The following ZNF469 variants were observed in gnomAD, a reference collection of about 807,000 sequenced individuals.
ZNF469 encodes the protein zinc finger protein 469.
A neutral mutation model predicts 1.0 loss-of-function variants in ZNF469; 1 was observed. The ratio of observed to expected loss-of-function variants is 1.00; its 90% CI spans 0.35 to 4.73. The LOEUF is 4.73. ZNF469 is among the 30% of genes most tolerant of loss of function. The pLI is 0.16. For missense variants in ZNF469, 6,100 were observed against 5,356.3 expected, an observed-to-expected ratio of 1.14 and a Z score of -4.33; for synonymous variants, 2,703 against 2,363.4, an observed-to-expected ratio of 1.14 and a Z score of -4.17.
chr16:88,193,073 TGGTGG>T, the ZNF469 span, among the ~76,000 whole-genome samples: 2 of 146,828 alleles, frequency 1.4e-5, no homozygotes, highest in African/African-American at 2.6e-5. Flanking sequence ...GTGATGGTGG[TGGTGG>T]TGATGGTGGT....
the ZNF469 span, among the ~76,000 whole-genome samples, chr16:88,176,629 G>GA: frequency 0.014 from 2,096 of 150,374 alleles, 54 homozygotes; most frequent in South Asian, 0.096. Flanking sequence ...TAAGAAATAT[G>GA]AAAAAAAAAA....
At chr16:88,361,239 T>A in the ZNF469 span, among the ~76,000 whole-genome samples, 8 of 152,184 alleles carry the variant, frequency 5.3e-5, no homozygotes, top group Admixed American at 1.3e-4. Context: ...CAGGTGGTAA[T>A]GTGAGCCATG....
the ZNF469 span, among the ~76,000 whole-genome samples, chr16:88,112,046 C>A: frequency 6.6e-6 from 1 of 152,182 alleles, no homozygotes; most frequent in South Asian, 2.1e-4. Flanking sequence ...CTGAATAGTA[C>A]TACGTTGTGT....
chr16:88,285,141 C>A, the ZNF469 span, among the ~76,000 whole-genome samples: 1 of 152,254 alleles, frequency 6.6e-6, no homozygotes, highest in Non-Finnish European at 1.5e-5. Context: ...TGCCCATGAC[C>A]ATCACTGACT....
At chr16:88,242,416 C>T in the ZNF469 span, among the ~76,000 whole-genome samples, 1 of 152,172 alleles carries the variant, frequency 6.6e-6, no homozygotes, top group Non-Finnish European at 1.5e-5. Context: ...TCGAGGCCGC[C>T]TTCTCCTTGT....
chr16:88,246,745 G>GTGAGTGAGTGAA, the ZNF469 span, among the ~76,000 whole-genome samples: 1 of 152,226 alleles, frequency 6.6e-6, no homozygotes, highest in Non-Finnish European at 1.5e-5. Context: ...GTGACTGTGA[G>GTGAGTGAGTGAA]TGAGTGAGTG....
chr16:88,357,350 A>G, the ZNF469 span, among the ~76,000 whole-genome samples: 2 of 152,162 alleles, frequency 1.3e-5, no homozygotes, highest in Non-Finnish European at 2.9e-5. Context: ...GGGTCTAGAC[A>G]CTGCCCCTAG....
chr16:88,180,848 C>T, the ZNF469 span, among the ~76,000 whole-genome samples: 2 of 152,136 alleles, frequency 1.3e-5, no homozygotes, highest in Non-Finnish European at 2.9e-5. Flanking sequence ...ATGCTTGCAC[C>T]TAACAGCGGA....
At chr16:88,325,144 C>T in the ZNF469 span, among the ~76,000 whole-genome samples, 1 of 127,750 alleles carries the variant, frequency 7.8e-6, no homozygotes, top group African/African-American at 2.9e-5. Flanking sequence ...CCAGGTGGTC[C>T]CGACAGCAGC....
chr16:88,229,579 T>TGATGCCATGCGTGTG, the ZNF469 span, among the ~76,000 whole-genome samples: 10 of 59,844 alleles, frequency 1.7e-4, no homozygotes, highest in African/African-American at 3.5e-4. Context: ...GCTTGTGCGC[T>TGATGCCATGCGTGTG]GATGTCACGC....
the ZNF469 span, among the ~76,000 whole-genome samples, chr16:88,376,333 G>A: frequency 1.0e-3 from 153 of 152,390 alleles, no homozygotes; most frequent in Non-Finnish European, 1.9e-3. Context: ...TTCGGACTGC[G>A]GACGTCTGAC....
chr16:88,292,191 G>A, the ZNF469 span, among the ~76,000 whole-genome samples: 1 of 152,202 alleles, frequency 6.6e-6, no homozygotes, highest in African/African-American at 2.4e-5. Flanking sequence ...ACCTGCAGTG[G>A]GTGGGTGCTG....
chr16:88,363,490 G>C, the ZNF469 span, among the ~76,000 whole-genome samples: 1 of 152,188 alleles, frequency 6.6e-6, no homozygotes, highest in African/African-American at 2.4e-5. Flanking sequence ...AGACTGCCTG[G>C]GGTCTACCCC....
the ZNF469 span, among the ~76,000 whole-genome samples, chr16:88,274,684 A>T: frequency 6.6e-5 from 10 of 152,352 alleles, 1 homozygote; most frequent in African/African-American, 2.4e-4. Context: ...TGTTTCTGTT[A>T]TCCTTGGAAG....
the ZNF469 span, chr16:88,178,089 T>G: frequency 6.6e-6 from 1 of 152,244 alleles, no homozygotes; most frequent in African/African-American, 2.4e-5. Context: ...CAGGCACATT[T>G]GACTTTTTCA....
the ZNF469 span, among the ~76,000 whole-genome samples, chr16:88,154,470 C>T: frequency 2.6e-5 from 4 of 152,192 alleles, no homozygotes; most frequent in South Asian, 2.1e-4. Flanking sequence ...CCGGTCTGCC[C>T]CATTGCTTCT....
At chr16:88,423,912 G>A (rs1202634081) in intron 1 of ZNF469, among the ~76,000 whole-genome samples, 7 of 152,362 alleles carry the variant, frequency 4.6e-5, no homozygotes, top group Middle Eastern at 3.4e-3. Context: ...GCAGTGAGGC[G>A]GTAAGCTCAG....
the ZNF469 span, among the ~76,000 whole-genome samples, chr16:88,186,823 G>C: frequency 6.6e-6 from 1 of 152,208 alleles, no homozygotes; most frequent in African/African-American, 2.4e-5. Flanking sequence ...GCGGGGCGGG[G>C]GGATGCGGTC....
chr16:88,291,813 C>A, the ZNF469 span, among the ~76,000 whole-genome samples: 4 of 152,154 alleles, frequency 2.6e-5, no homozygotes, highest in East Asian at 7.7e-4. Context: ...TCCTCCTGGG[C>A]CTCAGTCTCC....
Sources: gnomAD v4.1 joint callset for allele counts (sites outside exome capture counted in the v4.1 genomes callset) on GRCh38, gnomAD v4.1.1 for gene constraint, MANE v1.5 for transcripts, NCBI Gene and HGNC (gene_info 2026-07-23, HGNC 2026-07-21) for gene names.